Variants in DNAH1 observed in about 807,000 individuals in gnomAD.
DNAH1 encodes the protein axonemal beta dynein heavy chain 1.
Under a neutral mutation model 484.3 loss-of-function variants are expected in DNAH1, and 327 were observed. The observed-to-expected ratio is 0.68, with a 90% CI of 0.62 to 0.74. The LOEUF (loss-of-function observed/expected upper bound fraction) is 0.74, where lower values mean the gene tolerates loss of function less well. Ranked by LOEUF, DNAH1 falls within the 30% of genes least tolerant of loss-of-function variation. The pLI, the probability that DNAH1 is intolerant of heterozygous loss-of-function variation, is 0.00. For missense variants in DNAH1, 5,052 were observed against 5,546.8 expected, an observed-to-expected ratio of 0.91 and a Z score of 2.83; for synonymous variants, 2,192 against 2,191.9, an observed-to-expected ratio of 1.00 and a Z score of 0.00.
chr3:52,366,909 C>T (rs768062481), intron 36 of DNAH1, 22 bp downstream of exon 36: 1 of 1,591,932 alleles, frequency 6.3e-7, no homozygotes. Context: ...CCCAGCCTCA[C>T]CGGTGACCCC....
At chr3:52,352,831 G>A (rs1650478678) in intron 18 of DNAH1, 124 bp downstream of exon 18, 1 of 1,395,464 alleles carries the variant, frequency 7.2e-7, no homozygotes. Context: ...CTGCAGAGTG[G>A]AGATAGCCCA....
chr3:52,369,476 C>T (rs1054417299), intron 37 of DNAH1, among the ~76,000 whole-genome samples: 1 of 152,176 alleles, frequency 6.6e-6, no homozygotes, highest in Non-Finnish European at 1.5e-5. Context: ...ACCTGGCAGT[C>T]AATGTGGACC....
At chr3:52,393,585 C>A (rs1704490989) in intron 66 of DNAH1, 100 bp downstream of exon 66, 2 of 1,521,160 alleles carry the variant, frequency 1.3e-6, no homozygotes, top group Non-Finnish European at 9.0e-7. Context: ...CATGAAGGCA[C>A]CGCGAGAGCA....
rs1578163748 is a variant in DNAH1 at position 52,372,802 on chromosome 3, G to T, written c.6828-94G>T. On this transcript the variant is annotated intron_variant, in intron 43 of 77. Transcript: ENST00000420323. ...TGGAGGAGGCTAAAATTTAGCAAGGGCTTCCCAGAGGCAAAGCTGCCACCC... is the reference window on the plus strand; with the variant it reads ...TGGAGGAGGCTAAAATTTAGCAAGGTCTTCCCAGAGGCAAAGCTGCCACCC... 4.0e-6 allele frequency: 6 copies of T among 1,498,870 alleles called. No individual in the cohort carries two copies. The East Asian group carries it at 1.4e-4, about 35-fold the overall frequency. 92.8% of individuals were successfully genotyped at this position (1,498,870 alleles called of 1,614,324 possible). A position where few individuals can be genotyped will look rare whatever the true frequency, so the allele number is the denominator to read the frequency against.
chr3:52,331,041 A>G (rs1701524552), intron 6 of DNAH1, 107 bp from the exon 7 acceptor site: 1 of 1,353,816 alleles, frequency 7.4e-7, no homozygotes, highest in Non-Finnish European at 9.9e-7. Context: ...GAGAGACGCC[A>G]GACTGGTGAT....
chr3:52,331,619 C>CTTTTTT (rs36097098), intron 7 of DNAH1, among the ~76,000 whole-genome samples: 279 of 111,204 alleles, frequency 2.5e-3, no homozygotes, highest in Non-Finnish European at 3.4e-3. Context: ...AAATACTTTT[C>CTTTTTT]TTTTTTTTTT....
intron 44 of DNAH1, chr3:52,374,598 C>G: frequency 6.7e-7 from 1 of 1,500,326 alleles, no homozygotes; most frequent in Non-Finnish European, 9.3e-7. Context: ...AGAGCGAGCT[C>G]TCTATTACTG....
chr3:52,396,805 T>G lies in DNAH1; in HGVS notation c.11610+8T>G. On this transcript the variant is annotated splice_region_variant and intron_variant, in intron 72 of 77. Transcript: ENST00000420323. ...GATGACATCCCCTACAAGGTGGGCC[T>G]GGGGCAGACTGGGGCCTGGGGGACT... The G allele has an allele frequency of 6.2e-6, 10 of 1,612,686 alleles. No individual in the cohort carries two copies. Among genetic ancestry groups the G allele is most frequent in the Non-Finnish European group, 8.5e-6 (10 of 1,179,264 alleles).
In DNAH1 at chr3:52,370,183, T is replaced by G. The variant is rs757396103; in HGVS notation, c.6212T>G (p.Leu2071Arg). 355 of 1,613,870 alleles carry G rather than the reference T, an allele frequency of 2.2e-4. 1 individual carries two copies. The highest frequency in any genetic ancestry group is 3.4e-4 in the South Asian group (31 of 91,084). ...ACCAACTGCAACCTGACCATGAGCC[T>G]CCTCAAGCTGCTGGACTGCTTCTTC... ...ASTNCNLTMS[L>R]LKLLDCFFKP... Residue 2071 changes from leucine to arginine, a missense_variant, in exon 39 of 78, where the codon CTC becomes CGC. Physicochemically the swap from Leu to Arg is moderately radical, Grantham distance 102. Coordinates refer to ENST00000420323, the MANE Select transcript of DNAH1 (RefSeq NM_015512.5).
rs74714472 is a variant in DNAH1, at chr3:52,370,042, C to T, written c.6138+23C>T. On this transcript the variant is annotated intron_variant, in intron 38 of 77. Transcript: ENST00000420323. ...GAGGTGAGTGAGGCCACGGGTATGT[C>T]TGACCCTGGCAGGGCAGCAGGGCAC... The T allele has an allele frequency of 2.8e-3, 4,463 of 1,613,366 alleles. 115 individuals are homozygous for T. In the African/African-American group the frequency reaches 0.054, roughly 20 times the overall value.
chr3:52,346,353 C>T, intron 10 of DNAH1, 119 bp from the exon 11 acceptor site: 2 of 1,091,672 alleles, frequency 1.8e-6, no homozygotes, highest in Non-Finnish European at 2.6e-6. Flanking sequence ...GGGGACATCC[C>T]TCCACAGTCA....
In DNAH1 at chr3:52,346,454, T is replaced by C; in HGVS notation, c.1657-18T>C. 1.3e-6 allele frequency: 2 copies of C among 1,596,946 alleles called. No individual in the cohort carries two copies. The highest frequency in any genetic ancestry group is 1.7e-6 in the Non-Finnish European group (2 of 1,170,806). ...GGTCCCCAGGGTGGCCATATGATGA[T>C]GCCTGTGGCCACTCTAGGTGCAGAT... On this transcript the variant is annotated intron_variant, in intron 10 of 77. Coordinates refer to ENST00000420323, the MANE Select transcript of DNAH1 (RefSeq NM_015512.5).
At chr3:52,387,757 G>C (rs1259362923) in intron 56 of DNAH1, among the ~76,000 whole-genome samples, 4 of 152,184 alleles carry the variant, frequency 2.6e-5, no homozygotes, top group Admixed American at 2.6e-4. Flanking sequence ...TCCCTGGGTG[G>C]GACAAGAGCC....
intron 50 of DNAH1, among the ~76,000 whole-genome samples, chr3:52,383,086 T>C (rs749189085): frequency 1.3e-5 from 2 of 152,240 alleles, no homozygotes; most frequent in Non-Finnish European, 2.9e-5. Flanking sequence ...CCCGTGGCCA[T>C]GGTTTCCTCT....
At chr3:52,315,017 G>T (rs1005935529), upstream of DNAH1, among the ~76,000 whole-genome samples, 1 of 152,270 alleles carries the variant, frequency 6.6e-6, no homozygotes, top group Non-Finnish European at 1.5e-5. Flanking sequence ...GATCAAAGGA[G>T]AATTAAATTT....
rs375957071 is a variant in DNAH1, at chr3:52,344,604, C to T, written c.1401C>T (p.Tyr467=). 3.7e-6 allele frequency: 6 copies of T among 1,613,840 alleles called. No homozygotes were observed. Among genetic ancestry groups the T allele is most frequent in the Non-Finnish European group, 3.4e-6 (4 of 1,179,870 alleles). ...CTTCCAAGCCCGAGACCTTCTCCTA[C>T]GTCACCCTCCCCAAGAAGGAGGAGG... is the stretch of plus-strand genomic sequence containing the variant. The part of the protein sequence containing the change: ...VVSSKPETFS[Y]VTLPKKEEEQ... The change falls in exon 9 of 78, where the codon TAC becomes TAT. Residue 467 remains tyrosine (Y), a synonymous_variant. Transcript: ENST00000420323.
chr3:52,343,005 C>T (rs190518499), intron 8 of DNAH1, among the ~76,000 whole-genome samples: 25 of 152,180 alleles, frequency 1.6e-4, no homozygotes, highest in Non-Finnish European at 8.8e-5. Context: ...CACAGGCCAA[C>T]GTTTAGAAGT....
At chr3:52,348,670 C>G (rs1382739469) in intron 12 of DNAH1, among the ~76,000 whole-genome samples, 1 of 152,228 alleles carries the variant, frequency 6.6e-6, no homozygotes, top group Non-Finnish European at 1.5e-5. Flanking sequence ...CTTGGTGGGC[C>G]TCACAGGGGC....
At chr3:52,345,432 T>C in intron 9 of DNAH1, 63 bp from the exon 10 acceptor site, 2 of 1,398,588 alleles carry the variant, frequency 1.4e-6, no homozygotes, top group Admixed American at 2.0e-5. Context: ...CCTGTGGATC[T>C]GTCCTGTCCC....
Sources: allele counts gnomAD v4.1 joint callset (sites outside exome capture counted in the v4.1 genomes callset), GRCh38; gene constraint gnomAD v4.1.1; transcripts MANE v1.5; gene names NCBI Gene and HGNC (gene_info 2026-07-23, HGNC 2026-07-21).